Variants in PRDM5 observed in about 807,000 individuals in gnomAD.
The protein encoded by PRDM5 is PR domain zinc finger protein 5.
In PRDM5, 56 loss-of-function variants were observed where a neutral mutation model predicts 81.2. The observed-to-expected ratio is 0.69, with a 90% confidence interval of 0.56 to 0.86. The LOEUF (loss-of-function observed/expected upper bound fraction) is 0.86, where lower values mean the gene tolerates loss of function less well. Ranked by LOEUF, PRDM5 falls within the 40% of genes least tolerant of loss-of-function variation. The probability of loss-of-function intolerance (pLI) is 0.00; values close to 1 mark genes in which losing one functional copy is unlikely to be tolerated. For missense variants in PRDM5, 697 were observed against 770.1 expected (o/e 0.91, Z 1.12); for synonymous variants, 267 against 256.4 (o/e 1.04, Z -0.39).
In PRDM5 at chr4:120,693,002, C is replaced by T. The variant is rs1488213539; in HGVS notation, c.*2109G>A. 6.6e-6 allele frequency: 1 copy of T among 152,052 alleles called. No homozygotes were observed. Among genetic ancestry groups the T allele is most frequent in the African/African-American group, 2.4e-5 (1 of 41,390 alleles). 9.4% of individuals were successfully genotyped at this position (152,052 alleles called of 1,614,324 possible). ...ACTAAGGACTTGTTTTGGTTTCAGTCCTCTGAAAGGAGAGAGTGGTGTACC... is the reference window on the plus strand; with the variant it reads ...ACTAAGGACTTGTTTTGGTTTCAGTTCTCTGAAAGGAGAGAGTGGTGTACC... On this transcript the variant is annotated 3_prime_UTR_variant, in exon 16 of 16. Transcript: ENST00000264808.
intron 15 of PRDM5, among the ~76,000 whole-genome samples, chr4:120,702,091 T>C (rs13119281): frequency 0.82 from 124,657 of 152,030 alleles, 51,801 homozygotes; most frequent in East Asian, 0.91. Flanking sequence ...AAGTAATGCC[T>C]TCTAATGTGC....
chr4:120,833,680 A>G (rs558891421), intron 3 of PRDM5, among the ~76,000 whole-genome samples: 1 of 152,292 alleles, frequency 6.6e-6, no homozygotes, highest in East Asian at 1.9e-4. Flanking sequence ...AAGATGGAAA[A>G]GGCATTAAAT....
At chr4:120,855,607 G>C (rs1450933856) in intron 2 of PRDM5, among the ~76,000 whole-genome samples, 5 of 152,178 alleles carry the variant, frequency 3.3e-5, no homozygotes, top group Non-Finnish European at 7.4e-5. Context: ...TTTTTTGGCA[G>C]AGTAAACAAA....
chr4:120,789,733 T>C (rs1750302075), intron 10 of PRDM5, among the ~76,000 whole-genome samples: 1 of 152,192 alleles, frequency 6.6e-6, no homozygotes. Context: ...ATAACTGACT[T>C]CTTGAAAAGT....
In PRDM5 at chr4:120,692,977, A is replaced by G. The variant is rs1192146273; in HGVS notation, c.*2134T>C. ...AAAATTTACAGCATACAAATAGTCTACTAAGGACTTGTTTTGGTTTCAGTC... is the reference window on the plus strand; with the variant it reads ...AAAATTTACAGCATACAAATAGTCTGCTAAGGACTTGTTTTGGTTTCAGTC... On this transcript the variant is annotated 3_prime_UTR_variant, in exon 16 of 16. Coordinates refer to ENST00000264808, the MANE Select transcript of PRDM5 (RefSeq NM_018699.4). 3 of 152,152 alleles carry G rather than the reference A, an allele frequency of 2.0e-5. No individual in the cohort carries two copies. Among genetic ancestry groups the G allele is most frequent in the Non-Finnish European group, 2.9e-5 (2 of 68,028 alleles). 9.4% of individuals were successfully genotyped at this position (152,152 alleles called of 1,614,324 possible).
chr4:120,848,808 G>A (rs1021832451), intron 3 of PRDM5, among the ~76,000 whole-genome samples: 2 of 152,020 alleles, frequency 1.3e-5, no homozygotes, highest in East Asian at 1.9e-4. Context: ...AAAAACTCAC[G>A]GGACCAATTG....
intron 3 of PRDM5, among the ~76,000 whole-genome samples, chr4:120,841,630 A>G (rs1758041782): frequency 6.6e-6 from 1 of 152,222 alleles, no homozygotes; most frequent in Admixed American, 6.5e-5. Context: ...ATGTTCATAC[A>G]CCAAAAATCT....
chr4:120,745,123 C>T (rs1400025272), intron 14 of PRDM5, among the ~76,000 whole-genome samples: 2 of 112,540 alleles, frequency 1.8e-5, no homozygotes, highest in African/African-American at 7.2e-5. Flanking sequence ...AAGGCTGGTT[C>T]AATATACGCA....
intron 2 of PRDM5, among the ~76,000 whole-genome samples, chr4:120,863,187 T>TAC (rs1561528878): frequency 1.0e-4 from 4 of 40,144 alleles, no homozygotes; most frequent in African/African-American, 2.1e-4. Context: ...TATATATATA[T>TAC]ATATACACAC....
chr4:120,852,592 C>T (rs1759395495), intron 3 of PRDM5, among the ~76,000 whole-genome samples: 1 of 151,976 alleles, frequency 6.6e-6, no homozygotes, highest in Non-Finnish European at 1.5e-5. Flanking sequence ...ACTGGTACAT[C>T]AGCAATGTAG....
At chr4:120,876,625 T>C (rs1762357300) in intron 2 of PRDM5, among the ~76,000 whole-genome samples, 1 of 152,172 alleles carries the variant, frequency 6.6e-6, no homozygotes, top group Admixed American at 6.5e-5. Flanking sequence ...AGTAAAAAAG[T>C]TGAAAGCACT....
chr4:120,856,451 G>A (rs1759880584), intron 2 of PRDM5, among the ~76,000 whole-genome samples: 1 of 152,022 alleles, frequency 6.6e-6, no homozygotes, highest in Admixed American at 6.6e-5. Flanking sequence ...TTGCTCTCTG[G>A]GGCCTGCCTG....
chr4:120,751,759 C>A (rs1744042473), intron 14 of PRDM5, among the ~76,000 whole-genome samples: 1 of 152,182 alleles, frequency 6.6e-6, no homozygotes, highest in Admixed American at 6.5e-5. Context: ...ACCCTATAGG[C>A]AATAACCAGA....
intron 13 of PRDM5, chr4:120,762,665 T>G (rs1406200494): frequency 6.6e-6 from 1 of 152,162 alleles, no homozygotes; most frequent in Admixed American, 6.5e-5. Context: ...AGAAGTGAAA[T>G]GCTACACTGA....
intron 13 of PRDM5, among the ~76,000 whole-genome samples, chr4:120,763,574 A>G (rs4833671): frequency 0.046 from 7,057 of 152,288 alleles, 324 homozygotes; most frequent in Middle Eastern, 0.15. Flanking sequence ...AAACTCTTCC[A>G]TGAGTGTTCC....
At chr4:120,764,247 A>T (rs1746056139) in intron 13 of PRDM5, among the ~76,000 whole-genome samples, 1 of 152,200 alleles carries the variant, frequency 6.6e-6, no homozygotes, top group Non-Finnish European at 1.5e-5. Context: ...AAATGATAAA[A>T]ATATGAACTA....
At chr4:120,706,494 T>C (rs1458716849) in intron 15 of PRDM5, among the ~76,000 whole-genome samples, 1 of 152,026 alleles carries the variant, frequency 6.6e-6, no homozygotes, top group Non-Finnish European at 1.5e-5. Flanking sequence ...TTAAGAAATC[T>C]GGGAGATCAT....
chr4:120,718,938 T>A (rs940668496), intron 14 of PRDM5, among the ~76,000 whole-genome samples: 2 of 152,214 alleles, frequency 1.3e-5, no homozygotes, highest in Non-Finnish European at 2.9e-5. Context: ...TCTCACTAAT[T>A]TCCACTGTGG....
At chr4:120,816,736 G>A in intron 6 of PRDM5, 96 bp downstream of exon 6, 2 of 1,510,870 alleles carry the variant, frequency 1.3e-6, no homozygotes, top group Non-Finnish European at 1.8e-6. Flanking sequence ...AAATTCTGTA[G>A]GTATGTGAAA....
Sources: allele counts gnomAD v4.1 joint callset (sites outside exome capture counted in the v4.1 genomes callset), GRCh38; gene constraint gnomAD v4.1.1; transcripts MANE v1.5; gene names NCBI Gene and HGNC (gene_info 2026-07-23, HGNC 2026-07-21).